The following DACH1 variants were observed in gnomAD, a reference collection of about 807,000 sequenced individuals.
DACH1 encodes dachshund homolog 1.
In DACH1, 12 loss-of-function variants were observed where a neutral mutation model predicts 54.2. The ratio of observed to expected loss-of-function variants is 0.22; its 90% CI spans 0.14 to 0.36. The LOEUF is 0.36. Among genes scored for constraint, DACH1 ranks in the 10% least tolerant of loss-of-function variants. The pLI, the probability that DACH1 is intolerant of heterozygous loss-of-function variation, is 1.00. For synonymous variants in DACH1, 386 were observed against 366.2 expected (o/e 1.05, Z -0.62); for missense variants, 805 against 929.8 (o/e 0.87, Z 1.75).
chr13:71,628,923 A>AAC (rs1369349171), intron 3 of DACH1, among the ~76,000 whole-genome samples: 1 of 152,066 alleles, frequency 6.6e-6, no homozygotes, highest in Non-Finnish European at 1.5e-5. Flanking sequence ...CTATTTTAAG[A>AAC]ATCCCTTCTC....
intron 2 of DACH1, among the ~76,000 whole-genome samples, chr13:71,637,789 TTTTA>T (rs1276818897): frequency 6.6e-6 from 1 of 152,218 alleles, no homozygotes; most frequent in Non-Finnish European, 1.5e-5. Context: ...ACTATCTCCA[TTTTA>T]TTTATTTCAA....
intron 6 of DACH1, among the ~76,000 whole-genome samples, chr13:71,531,114 C>T (rs1882386084): frequency 6.6e-6 from 1 of 151,968 alleles, no homozygotes; most frequent in South Asian, 2.1e-4. Context: ...TTGTTAGATA[C>T]TAAACAACAG....
intron 6 of DACH1, among the ~76,000 whole-genome samples, chr13:71,548,504 A>T (rs1333405490): frequency 1.3e-5 from 2 of 152,212 alleles, no homozygotes; most frequent in Non-Finnish European, 2.9e-5. Context: ...AAGGAAAACA[A>T]GTGTTTTATA....
chr13:71,799,660 G>T (rs1887209591), intron 1 of DACH1, among the ~76,000 whole-genome samples: 1 of 152,100 alleles, frequency 6.6e-6, no homozygotes, highest in Non-Finnish European at 1.5e-5. Flanking sequence ...TTCTATGATG[G>T]AATTCCCAAC....
At chr13:71,736,897 G>C (rs1007189943) in intron 1 of DACH1, among the ~76,000 whole-genome samples, 6 of 152,268 alleles carry the variant, frequency 3.9e-5, no homozygotes, top group African/African-American at 1.4e-4. Flanking sequence ...AGAGTAAATA[G>C]AATATAAAAC....
At chr13:71,502,584 A>G (rs1880009407) in intron 6 of DACH1, among the ~76,000 whole-genome samples, 1 of 152,194 alleles carries the variant, frequency 6.6e-6, no homozygotes. Context: ...AAGCAAAACA[A>G]TTATTGTCCA....
At chr13:71,518,326 A>C (rs1001263197) in intron 6 of DACH1, among the ~76,000 whole-genome samples, 2 of 151,762 alleles carry the variant, frequency 1.3e-5, no homozygotes, top group African/African-American at 4.8e-5. Context: ...CCAAGGAGAG[A>C]GGCCTCAGCA....
intron 10 of DACH1, among the ~76,000 whole-genome samples, chr13:71,462,288 T>G (rs1876142836): frequency 6.6e-6 from 1 of 151,954 alleles, no homozygotes; most frequent in South Asian, 2.1e-4. Flanking sequence ...GCTTCCATCT[T>G]AAATTTGAGC....
intron 10 of DACH1, 49 bp from the exon 11 acceptor site, chr13:71,440,741 C>G: frequency 7.2e-7 from 1 of 1,398,236 alleles, no homozygotes; most frequent in Non-Finnish European, 9.9e-7. Flanking sequence ...ATTTGGGGTA[C>G]AAATGTGCAT....
At chr13:71,703,010 A>T (rs768417654) in intron 1 of DACH1, among the ~76,000 whole-genome samples, 144 of 152,344 alleles carry the variant, frequency 9.5e-4, no homozygotes, top group Non-Finnish European at 1.7e-3. Flanking sequence ...TAGATTGTAA[A>T]GCAGTAGTTG....
At chr13:71,831,460 G>T (rs1335774817) in intron 1 of DACH1, among the ~76,000 whole-genome samples, 2 of 151,738 alleles carry the variant, frequency 1.3e-5, no homozygotes, top group Admixed American at 1.3e-4. Flanking sequence ...TTATATAAAT[G>T]CATGTTGTCT....
At chr13:71,475,360 G>T in intron 9 of DACH1, 151 bp from the exon 10 acceptor site, 1 of 718,816 alleles carries the variant, frequency 1.4e-6, no homozygotes, top group Non-Finnish European at 2.3e-6. Flanking sequence ...GTAACCGTAA[G>T]AATTTTCGGA....
At chr13:71,478,704 C>A (rs1250432829) in intron 8 of DACH1, among the ~76,000 whole-genome samples, 1 of 152,090 alleles carries the variant, frequency 6.6e-6, no homozygotes, top group Non-Finnish European at 1.5e-5. Context: ...AAACATTTAA[C>A]TTTGGTCATT....
intron 3 of DACH1, among the ~76,000 whole-genome samples, chr13:71,598,731 C>T (rs1343388105): frequency 3.3e-5 from 5 of 152,280 alleles, no homozygotes; most frequent in African/African-American, 1.2e-4. Context: ...ATTTGCAGCC[C>T]TCTTTCAAAT....
intron 3 of DACH1, among the ~76,000 whole-genome samples, chr13:71,627,335 CAAA>C (rs1221837020): frequency 2.9e-5 from 2 of 70,086 alleles, no homozygotes; most frequent in Non-Finnish European, 3.4e-5. Flanking sequence ...AACGCTCTTA[CAAA>C]AAAAAAAAAA....
At position 71,727,055 on chromosome 13, in the gene DACH1, CT is replaced by C. The variant is rs1464060948; in HGVS notation, c.849-45146del. Among the ~76,000 whole-genome samples, 3 of 151,990 alleles carry C rather than the reference CT, an allele frequency of 2.0e-5. No homozygotes were observed. In the East Asian group the frequency reaches 5.8e-4, roughly 29 times the overall value. On this transcript the variant is annotated intron_variant, in intron 1 of 10. Coordinates refer to ENST00000613252, the MANE Select transcript of DACH1 (RefSeq NM_080759.6). ...GCTGAATTCTTTGCCTGATTTTCCG[CT>C]TTTGTAAAATGCATTGCTTGAGAAA...
chr13:71,737,094 T>A (rs1884164249), intron 1 of DACH1, among the ~76,000 whole-genome samples: 1 of 151,638 alleles, frequency 6.6e-6, no homozygotes, highest in Non-Finnish European at 1.5e-5. Context: ...CTACTAAAAA[T>A]ACAAAAATTA....
intron 1 of DACH1, among the ~76,000 whole-genome samples, chr13:71,697,118 A>G (rs1881873952): frequency 6.6e-6 from 1 of 152,040 alleles, no homozygotes; most frequent in African/African-American, 2.4e-5. Flanking sequence ...CTACTTGTTT[A>G]TTGGTGACTA....
intron 2 of DACH1, chr13:71,675,281 G>A (rs1432220211): frequency 1.2e-5 from 20 of 1,601,744 alleles, no homozygotes; most frequent in Non-Finnish European, 1.6e-5. Context: ...AGTCTGGTGC[G>A]AGAAATTGCT....
Sources: allele counts gnomAD v4.1 joint callset (sites outside exome capture counted in the v4.1 genomes callset), GRCh38; gene constraint gnomAD v4.1.1; transcripts MANE v1.5; gene names NCBI Gene and HGNC (gene_info 2026-07-23, HGNC 2026-07-21).